IQSEC1: variants seen among roughly 807,000 people sequenced by gnomAD.
IQSEC1 encodes the protein IQ motif and Sec7 domain ArfGEF 1, also known as IQ motif and SEC7 domain-containing protein 1.
A neutral mutation model predicts 91.0 loss-of-function variants in IQSEC1; 31 were observed. The observed-to-expected ratio is 0.34, with a 90% CI of 0.26 to 0.46. The LOEUF (loss-of-function observed/expected upper bound fraction) is 0.46, where lower values mean the gene tolerates loss of function less well. IQSEC1 is among the 20% of genes least tolerant of loss of function. IQSEC1 has a pLI of 1.00. For synonymous variants in IQSEC1, 699 were observed against 662.6 expected (o/e 1.05, Z -0.84); for missense variants, 1,388 against 1,575.6 (o/e 0.88, Z 2.02).
Position 12,900,908 on chromosome 3 carries a change from C to T in IQSEC1, c.*75G>A, listed in dbSNP as rs776218519. On this transcript the variant is annotated 3_prime_UTR_variant, in exon 14 of 14. Transcript: ENST00000613206. ...ACAGAAGTGCCCCGGGTTTGGTGTGCGGCTGGCGACCCCCGGGCGTGCCCT... is the reference window on the plus strand; with the variant it reads ...ACAGAAGTGCCCCGGGTTTGGTGTGTGGCTGGCGACCCCCGGGCGTGCCCT... 68 of 1,535,672 alleles carry T rather than the reference C, an allele frequency of 4.4e-5. 1 individual carries two copies. Among genetic ancestry groups the T allele is most frequent in the East Asian group, 2.0e-4 (8 of 40,870 alleles).
chr3:12,899,439 A>C lies in IQSEC1; in HGVS notation c.*1544T>G, dbSNP rs757181262. 1 of 1,609,958 alleles carries C rather than the reference A, an allele frequency of 6.2e-7. No individual in the cohort carries two copies. Among genetic ancestry groups the C allele is most frequent in the Non-Finnish European group, 8.5e-7 (1 of 1,178,754 alleles). On this transcript the variant is annotated 3_prime_UTR_variant, in exon 14 of 14. Coordinates refer to ENST00000613206, the MANE Select transcript of IQSEC1 (RefSeq NM_001134382.3). ...CAGTGGCTCGAAAGGCTGAAACTAC[A>C]AAGTATGGCCCGTGGGTGACTCGGG...
At chr3:13,257,339 C>CG (rs1695308130) in intron 1 of IQSEC1, among the ~76,000 whole-genome samples, 1 of 152,198 alleles carries the variant, frequency 6.6e-6, no homozygotes, top group Non-Finnish European at 1.5e-5. Flanking sequence ...CATAACATTC[C>CG]GGCTAGGCAG....
intron 1 of IQSEC1, among the ~76,000 whole-genome samples, chr3:13,016,329 C>T (rs1034764739): frequency 6.6e-6 from 1 of 152,236 alleles, no homozygotes; most frequent in African/African-American, 2.4e-5. Context: ...CTTTGGGTCT[C>T]AATTGTCATC....
chr3:12,994,291 G>A lies in IQSEC1; in HGVS notation c.24-52426C>T, dbSNP rs1218602633. ...CCGCCCGTGCGCCGTGACCTTGGCG[G>A]GTGGCCTCGCCGCGCCTGGCCTCAG... On this transcript the variant is annotated intron_variant, in intron 1 of 13. Coordinates refer to ENST00000613206, the MANE Select transcript of IQSEC1 (RefSeq NM_001134382.3). The surrounding 1 kb of genome is among the most constrained non-coding windows in gnomAD (Gnocchi z 4.5). Among the ~76,000 whole-genome samples, 1 of 151,544 alleles carries A rather than the reference G, an allele frequency of 6.6e-6. No homozygotes were observed. The highest frequency in any genetic ancestry group is 1.5e-5 in the Non-Finnish European group (1 of 67,778).
intron 1 of IQSEC1, among the ~76,000 whole-genome samples, chr3:13,252,130 A>G (rs1695204699): frequency 6.6e-6 from 1 of 152,162 alleles, no homozygotes; most frequent in African/African-American, 2.4e-5. Flanking sequence ...AGCCATCACT[A>G]CCATCCATCT....
At chr3:13,085,016 C>G (rs636788) in intron 2 of IQSEC1, among the ~76,000 whole-genome samples, 50,133 of 151,152 alleles carry the variant, frequency 0.33, 8,492 homozygotes, top group Middle Eastern at 0.53. Flanking sequence ...GGGTTGTCCT[C>G]GGACAGAAAA....
intron 1 of IQSEC1, among the ~76,000 whole-genome samples, chr3:13,222,118 G>A (rs757619532): frequency 2.0e-5 from 3 of 151,846 alleles, no homozygotes; most frequent in Non-Finnish European, 4.4e-5. Context: ...CTGAAACTCT[G>A]CCCCATGAAA....
intron 1 of IQSEC1, among the ~76,000 whole-genome samples, chr3:13,050,435 A>G (rs1704654100): frequency 6.6e-6 from 1 of 152,220 alleles, no homozygotes; most frequent in African/African-American, 2.4e-5. Context: ...CCCACCTCCC[A>G]GAGCTGTTGA....
At chr3:12,960,044 CT>C (rs1430058812) in intron 1 of IQSEC1, among the ~76,000 whole-genome samples, 1 of 152,198 alleles carries the variant, frequency 6.6e-6, no homozygotes, top group Non-Finnish European at 1.5e-5. Context: ...GAAAGAGCTG[CT>C]TCCCCAAACA....
At chr3:13,099,213 A>T (rs1706016617) in intron 2 of IQSEC1, among the ~76,000 whole-genome samples, 1 of 152,184 alleles carries the variant, frequency 6.6e-6, no homozygotes, top group Admixed American at 6.5e-5. Context: ...AGGGGTGAGG[A>T]GAGGCAAGTG....
chr3:13,190,547 C>T (rs1212940922), intron 1 of IQSEC1, among the ~76,000 whole-genome samples: 1 of 66,616 alleles, frequency 1.5e-5, no homozygotes, highest in African/African-American at 5.4e-5. Flanking sequence ...CAGAGCAAGA[C>T]CCTGTCTCAA....
chr3:13,180,816 C>T (rs1293280791), intron 1 of IQSEC1, among the ~76,000 whole-genome samples: 1 of 151,654 alleles, frequency 6.6e-6, no homozygotes, highest in Non-Finnish European at 1.5e-5. Flanking sequence ...GCCAGCGAGA[C>T]CACGAACCCA....
At chr3:13,130,117 G>A (rs1221996744) in intron 2 of IQSEC1, among the ~76,000 whole-genome samples, 2 of 151,038 alleles carry the variant, frequency 1.3e-5, no homozygotes, top group African/African-American at 4.9e-5. Context: ...AGGCCGAGGC[G>A]GGAGGATTAT....
intron 2 of IQSEC1, among the ~76,000 whole-genome samples, chr3:13,139,576 T>G (rs1706765841): frequency 1.3e-5 from 2 of 152,220 alleles, no homozygotes; most frequent in South Asian, 4.1e-4. Flanking sequence ...TGAGAGACAT[T>G]ACATCCAGTG....
At chr3:12,943,612 C>T (rs1246229626) in intron 1 of IQSEC1, among the ~76,000 whole-genome samples, 3 of 152,216 alleles carry the variant, frequency 2.0e-5, no homozygotes, top group African/African-American at 7.2e-5. Context: ...CTGCGGTGCC[C>T]CCTCCTGGTG....
chr3:13,075,006 G>C (rs1407990679), upstream of IQSEC1, among the ~76,000 whole-genome samples: 1 of 152,150 alleles, frequency 6.6e-6, no homozygotes, highest in African/African-American at 2.4e-5. Context: ...GCCAAGGTGA[G>C]GCATCGAACA....
At chr3:12,917,894 T>C (rs1409306409) in intron 6 of IQSEC1, among the ~76,000 whole-genome samples, 1 of 152,268 alleles carries the variant, frequency 6.6e-6, no homozygotes, top group East Asian at 1.9e-4. Flanking sequence ...CGTGGTGAGC[T>C]ACTCCGCCTT....
At chr3:13,094,415 C>G (rs2125144791) in intron 2 of IQSEC1, among the ~76,000 whole-genome samples, 1 of 152,276 alleles carries the variant, frequency 6.6e-6, no homozygotes, top group Admixed American at 6.5e-5. Context: ...AAGTCCCATC[C>G]CTGCTCTAGA....
intron 6 of IQSEC1, among the ~76,000 whole-genome samples, chr3:12,916,119 G>T (rs919988061): frequency 6.6e-6 from 1 of 152,158 alleles, no homozygotes; most frequent in African/African-American, 2.4e-5. Flanking sequence ...GGAGGCTGGG[G>T]TTTGTTTGGG....
Sources: allele counts gnomAD v4.1 joint callset (sites outside exome capture counted in the v4.1 genomes callset), GRCh38; gene constraint gnomAD v4.1.1; non-coding constraint Gnocchi (gnomAD v3.1); transcripts MANE v1.5; gene names NCBI Gene and HGNC (gene_info 2026-07-23, HGNC 2026-07-21).